The following LRRC7 variants were observed in gnomAD, a reference collection of about 807,000 sequenced individuals.
LRRC7 encodes the protein leucine-rich repeat-containing protein 7.
Under a neutral mutation model 175.7 loss-of-function variants are expected in LRRC7, and 23 were observed. That is an observed-to-expected ratio of 0.13 (90% CI 0.09 to 0.19). The LOEUF (loss-of-function observed/expected upper bound fraction) is 0.19, where lower values mean the gene tolerates loss of function less well. Ranked by LOEUF, LRRC7 falls within the 10% of genes least tolerant of loss-of-function variation. The pLI, the probability that LRRC7 is intolerant of heterozygous loss-of-function variation, is 1.00. For synonymous variants in LRRC7, 685 were observed against 680.9 expected, an observed-to-expected ratio of 1.01 and a Z score of -0.09; for missense variants, 1,354 against 1,904.7, an observed-to-expected ratio of 0.71 and a Z score of 5.38.
chr1:69,913,761 C>T (rs1646605048), intron 7 of LRRC7, among the ~76,000 whole-genome samples: 1 of 152,166 alleles, frequency 6.6e-6, no homozygotes, highest in South Asian at 2.1e-4. Context: ...GATCCACCCA[C>T]CTCGGCCTCC....
chr1:69,795,685 C>A (rs147836866), intron 4 of LRRC7, among the ~76,000 whole-genome samples: 2 of 151,972 alleles, frequency 1.3e-5, no homozygotes, highest in African/African-American at 2.4e-5. Flanking sequence ...ATGAGTGACC[C>A]CTTAAAGAAA....
At chr1:70,110,155 G>A (rs1367003757) in intron 26 of LRRC7, among the ~76,000 whole-genome samples, 1 of 152,190 alleles carries the variant, frequency 6.6e-6, no homozygotes. Context: ...AGAGGCAGGA[G>A]GATGGCTTGA....
At chr1:70,023,531 T>C (rs965903320) in intron 17 of LRRC7, among the ~76,000 whole-genome samples, 157 bp downstream of exon 17, 2 of 152,130 alleles carry the variant, frequency 1.3e-5, no homozygotes, top group Non-Finnish European at 2.9e-5. Flanking sequence ...ACATTTTGTT[T>C]ATTGACATTG....
chr1:70,036,570 G>A lies in LRRC7; in HGVS notation c.2234G>A (p.Gly745Glu), dbSNP rs773021847. Reference sequence around the variant, plus strand: ...TCCTCTAATACCCGGGTTAAAGTGGGGTCCTTGCAGACAACAGCTAAAGAT... The same window carrying A: ...TCCTCTAATACCCGGGTTAAAGTGGAGTCCTTGCAGACAACAGCTAAAGAT... ...SGSSNTRVKV[G>E]SLQTTAKDAV... Residue 745 changes from glycine to glutamate, a missense_variant, in exon 20 of 27, where the codon GGG becomes GAG. By Grantham distance (98) the Gly-to-Glu change is moderately conservative. This residue lies in a region of LRRC7 where 1,032 missense variants were observed against 1,227.2 expected (regional missense o/e 0.84). Transcript: ENST00000651989. 6.2e-7 allele frequency: 1 copy of A among 1,614,004 alleles called. No individual in the cohort carries two copies. The highest frequency in any genetic ancestry group is 8.5e-7 in the Non-Finnish European group (1 of 1,179,950).
chr1:69,958,017 CAG>C (rs897048274), intron 8 of LRRC7, among the ~76,000 whole-genome samples: 33 of 151,850 alleles, frequency 2.2e-4, no homozygotes, highest in African/African-American at 7.0e-4. Flanking sequence ...TGAGAAAAAA[CAG>C]ATATACTGTA....
chr1:69,931,677 C>A, intron 8 of LRRC7, 107 bp downstream of exon 8: 4 of 884,018 alleles, frequency 4.5e-6, no homozygotes, highest in Non-Finnish European at 7.1e-6. Context: ...TTTGCATTTG[C>A]TAAATGTAAA....
chr1:69,907,301 A>C (rs1246945013), intron 7 of LRRC7, among the ~76,000 whole-genome samples: 1 of 152,162 alleles, frequency 6.6e-6, no homozygotes, highest in Non-Finnish European at 1.5e-5. Flanking sequence ...CACTATGTTG[A>C]ATAGGAGTGG....
intron 7 of LRRC7, among the ~76,000 whole-genome samples, chr1:69,913,790 G>A (rs2101710649): frequency 6.6e-6 from 1 of 152,278 alleles, no homozygotes; most frequent in Non-Finnish European, 1.5e-5. Context: ...TGGGATTACT[G>A]ATGTGAGCCA....
At chr1:70,060,955 T>C (rs2860095) in intron 23 of LRRC7, among the ~76,000 whole-genome samples, 5,222 of 152,292 alleles carry the variant, frequency 0.034, 191 homozygotes, top group African/African-American at 0.1. Context: ...CCAGGAGTTA[T>C]GTCTTTACTT....
intron 4 of LRRC7, among the ~76,000 whole-genome samples, chr1:69,821,446 A>G (rs1267867809): frequency 1.3e-5 from 2 of 151,348 alleles, no homozygotes; most frequent in Admixed American, 6.6e-5. Context: ...AATGATTTCT[A>G]TCTCTTCATT....
At chr1:69,606,858 G>A (rs1358282166) in intron 1 of LRRC7, 1 of 151,884 alleles carries the variant, frequency 6.6e-6, no homozygotes, top group Non-Finnish European at 1.5e-5. Flanking sequence ...TTTATTATTG[G>A]GAAATAGAAG....
chr1:69,691,305 G>T (rs1557605819), intron 2 of LRRC7, among the ~76,000 whole-genome samples: 1 of 152,038 alleles, frequency 6.6e-6, no homozygotes, highest in African/African-American at 2.4e-5. Flanking sequence ...ATTACAAAAA[G>T]ATTATTATTG....
chr1:69,997,170 G>T (rs1655064674), intron 11 of LRRC7, among the ~76,000 whole-genome samples: 1 of 152,092 alleles, frequency 6.6e-6, no homozygotes, highest in Non-Finnish European at 1.5e-5. Flanking sequence ...AATTGTGAAT[G>T]GGAGTTCACT....
intron 7 of LRRC7, among the ~76,000 whole-genome samples, chr1:69,908,876 AG>A (rs1646417456): frequency 6.6e-6 from 1 of 150,560 alleles, no homozygotes; most frequent in East Asian, 1.9e-4. Flanking sequence ...GGGGTGTTAA[AG>A]TCTCCCATTA....
chr1:69,581,689 C>G lies in LRRC7; in HGVS notation c.2+13048C>G, dbSNP rs58099669. ...CTTCTATAGGGAAAAGTAATTAAAG[C>G]CTCTTTTTAAGAAAAAAGTTTTTAA... On this transcript the variant is annotated intron_variant, in intron 1 of 26. Coordinates refer to ENST00000651989, the MANE Select transcript of LRRC7 (RefSeq NM_001370785.2). 6.5e-3 allele frequency among the ~76,000 whole-genome samples: 993 copies of G among 152,216 alleles called. 5 individuals carry two copies. Among genetic ancestry groups the G allele is most frequent in the African/African-American group, 0.023 (941 of 41,542 alleles).
chr1:69,905,272 T>TATA (rs1342549538), intron 7 of LRRC7, among the ~76,000 whole-genome samples: 1 of 151,864 alleles, frequency 6.6e-6, no homozygotes, highest in Non-Finnish European at 1.5e-5. Context: ...TTATTATTAT[T>TATA]ATACTTTAAG....
At chr1:69,654,759 A>G (rs1032651159) in intron 1 of LRRC7, among the ~76,000 whole-genome samples, 1 of 152,148 alleles carries the variant, frequency 6.6e-6, no homozygotes, top group African/African-American at 2.4e-5. Context: ...CAAACAAGTG[A>G]GACAAAAGTT....
chr1:69,926,787 G>C (rs567774505), intron 7 of LRRC7, among the ~76,000 whole-genome samples: 2 of 152,152 alleles, frequency 1.3e-5, no homozygotes, highest in Admixed American at 1.3e-4. Context: ...TCTTTTAATT[G>C]GAGCATTTAG....
chr1:69,847,579 C>CTTA (rs1418911555), intron 7 of LRRC7, among the ~76,000 whole-genome samples: 1 of 152,068 alleles, frequency 6.6e-6, no homozygotes, highest in Non-Finnish European at 1.5e-5. Context: ...AATCCTGTTT[C>CTTA]TTATTATACA....
Sources: gnomAD v4.1 joint callset for allele counts (sites outside exome capture counted in the v4.1 genomes callset) on GRCh38, gnomAD v4.1.1 for gene constraint, gnomAD v4.1.1 regional missense constraint, MANE v1.5 for transcripts, NCBI Gene and HGNC (gene_info 2026-07-23, HGNC 2026-07-21) for gene names.